Variants in MTX2 observed in about 807,000 individuals in gnomAD.
The protein encoded by MTX2 is metaxin-2.
In MTX2, 35 loss-of-function variants were observed where a neutral mutation model predicts 42.3. The observed-to-expected ratio is 0.83, with a 90% CI of 0.63 to 1.10. The LOEUF is 1.10. Among genes scored for constraint, MTX2 ranks in the 50% least tolerant of loss-of-function variants. The pLI, the probability that MTX2 is intolerant of heterozygous loss-of-function variation, is 0.00. For synonymous variants in MTX2, 119 were observed against 100.9 expected (o/e 1.18, Z -1.08); for missense variants, 307 against 304.1 (o/e 1.01, Z -0.07).
chr2:176,301,914 A>G lies in MTX2; in HGVS notation c.135+4019A>G, dbSNP rs1445566986. ...AATTCTTTTGAAAAAAGTGAAAGGA[A>G]TAGGAATGTAAGATGTCAAATACAG... On this transcript the variant is annotated intron_variant, in intron 3 of 9. Transcript: ENST00000249442. Among the ~76,000 whole-genome samples, 6 of 152,184 alleles carry G rather than the reference A, an allele frequency of 3.9e-5. 1 individual carries two copies. The highest frequency in any genetic ancestry group is 7.3e-5 in the Non-Finnish European group (5 of 68,028).
At chr2:176,291,806 G>A (rs1343426979) in intron 1 of MTX2, among the ~76,000 whole-genome samples, 1 of 152,092 alleles carries the variant, frequency 6.6e-6, no homozygotes, top group African/African-American at 2.4e-5. Context: ...AATACCATAG[G>A]AGGATAAAAT....
At chr2:176,309,154 G>A (rs1172973708) in intron 3 of MTX2, among the ~76,000 whole-genome samples, 3 of 152,162 alleles carry the variant, frequency 2.0e-5, no homozygotes, top group Admixed American at 1.3e-4. Flanking sequence ...TATTTACCCA[G>A]TAGTCATTCA....
chr2:176,287,624 T>C (rs1693237487), intron 1 of MTX2, among the ~76,000 whole-genome samples: 1 of 152,200 alleles, frequency 6.6e-6, no homozygotes. Context: ...AGTAGACTCT[T>C]ATGTCAGTCA....
chr2:176,322,739 A>G (rs891439349), intron 3 of MTX2, among the ~76,000 whole-genome samples: 3 of 151,966 alleles, frequency 2.0e-5, no homozygotes, highest in Middle Eastern at 3.2e-3. Context: ...TTTCTAAAGC[A>G]TGAGTTTTAA....
In MTX2 at chr2:176,329,001, CATT is replaced by C. The variant is rs1684789016; in HGVS notation, c.417+90_417+92del. The C allele has an allele frequency of 3.3e-6, 4 of 1,225,984 alleles. No homozygotes were observed. In the Admixed American group the frequency reaches 5.3e-5, roughly 16 times the overall value. The allele number at this position is 1,225,984 out of a possible 1,614,324, so 75.9% of individuals were successfully genotyped here. Reference sequence around the variant, plus strand: ...CGCAAGTCCCTGCTCATAAATGAAACATTGTGGTTTATACCATTAGTGATATAG... The same window carrying C: ...CGCAAGTCCCTGCTCATAAATGAAACGTGGTTTATACCATTAGTGATATAG... On this transcript the variant is annotated intron_variant, in intron 7 of 9. Coordinates refer to ENST00000249442, the MANE Select transcript of MTX2 (RefSeq NM_006554.5).
intron 1 of MTX2, among the ~76,000 whole-genome samples, chr2:176,294,724 AGGTT>A (rs948731336): frequency 8.5e-5 from 13 of 152,342 alleles, no homozygotes; most frequent in African/African-American, 2.4e-4. Context: ...GTGTATGTAA[AGGTT>A]GGTGCAAAAA....
chr2:176,331,929 A>T (rs1173140425), intron 9 of MTX2, among the ~76,000 whole-genome samples: 1 of 151,248 alleles, frequency 6.6e-6, no homozygotes, highest in African/African-American at 2.4e-5. Flanking sequence ...AATAGATCTA[A>T]CTTACTTTTC....
chr2:176,278,604 C>T (rs1693004725), intron 1 of MTX2, among the ~76,000 whole-genome samples: 1 of 152,122 alleles, frequency 6.6e-6, no homozygotes, highest in South Asian at 2.1e-4. Context: ...GAGTTATTAA[C>T]GTTAGCCCAA....
At chr2:176,337,463 TACTC>T (rs1463637825) in intron 9 of MTX2, 26 bp from the exon 10 acceptor site, 3 of 1,531,006 alleles carry the variant, frequency 2.0e-6, no homozygotes, top group Non-Finnish European at 1.8e-6. Flanking sequence ...AAATGCTACT[TACTC>T]ACATTACTCT....
At chr2:176,294,799 A>G (rs1683816680) in intron 1 of MTX2, among the ~76,000 whole-genome samples, 1 of 152,196 alleles carries the variant, frequency 6.6e-6, no homozygotes, top group Admixed American at 6.5e-5. Flanking sequence ...AGAAAACATC[A>G]GAATCACCAA....
intron 3 of MTX2, among the ~76,000 whole-genome samples, chr2:176,311,113 G>C (rs1250424460): frequency 1.3e-5 from 2 of 151,858 alleles, no homozygotes; most frequent in East Asian, 1.9e-4. Flanking sequence ...GATGTTGATG[G>C]TATTCCTTTC....
intron 1 of MTX2, among the ~76,000 whole-genome samples, chr2:176,284,216 A>C (rs546630970): frequency 5.3e-5 from 8 of 152,024 alleles, no homozygotes; most frequent in Admixed American, 4.6e-4. Context: ...AGTAGCTGGG[A>C]CTACAGGTGC....
At chr2:176,295,063 CTTCT>C (rs1683823818) in intron 1 of MTX2, among the ~76,000 whole-genome samples, 2 of 152,120 alleles carry the variant, frequency 1.3e-5, no homozygotes, top group Admixed American at 6.6e-5. Flanking sequence ...AATCAAATAT[CTTCT>C]TTCTTTCTAC....
intron 9 of MTX2, among the ~76,000 whole-genome samples, chr2:176,336,446 C>T (rs1376999172): frequency 6.6e-6 from 1 of 151,966 alleles, no homozygotes; most frequent in Non-Finnish European, 1.5e-5. Flanking sequence ...TTTTTTGGTC[C>T]TATCACCACA....
chr2:176,311,451 A>C (rs1684304189), intron 3 of MTX2, among the ~76,000 whole-genome samples: 1 of 152,158 alleles, frequency 6.6e-6, no homozygotes. Context: ...TCAGACAGGG[A>C]CATTGAAGTC....
intron 3 of MTX2, among the ~76,000 whole-genome samples, chr2:176,320,055 AACTAG>A (rs1312231981): frequency 1.3e-5 from 2 of 152,122 alleles, no homozygotes; most frequent in Non-Finnish European, 1.5e-5. Flanking sequence ...TTAATTGACT[AACTAG>A]AATTATGCTA....
rs759831241 is a variant in MTX2 at position 176,326,854 on chromosome 2, C to A, written c.238C>A (p.Gln80Lys). ...GKVPFIHVGN[Q>K]VVSELGPIVQ... ...AGTACCTTTTATTCATGTGGGAAAT[C>A]AAGTAGTATCAGAACTTGGTCCAAT... is the stretch of plus-strand genomic sequence containing the variant. Residue 80 changes from glutamine (Q) to lysine (K), a missense_variant, in exon 5 of 10, where the codon CAA becomes AAA. Physicochemically the swap from Gln to Lys is moderately conservative, Grantham distance 53. Transcript: ENST00000249442. 1.9e-6 allele frequency: 3 copies of A among 1,571,984 alleles called. No individual in the cohort carries two copies. Among genetic ancestry groups the A allele is most frequent in the South Asian group, 1.2e-5 (1 of 84,968 alleles).
chr2:176,307,542 A>G (rs1684183764), intron 3 of MTX2, among the ~76,000 whole-genome samples: 1 of 152,162 alleles, frequency 6.6e-6, no homozygotes, highest in Admixed American at 6.5e-5. Flanking sequence ...TGAGCATGGA[A>G]TGTTCTTCCA....
At chr2:176,315,828 T>A (rs1462873426) in intron 3 of MTX2, among the ~76,000 whole-genome samples, 1 of 152,166 alleles carries the variant, frequency 6.6e-6, no homozygotes, top group Non-Finnish European at 1.5e-5. Context: ...CCCTTAGATA[T>A]CTGCATGGCT....
Sources: gnomAD v4.1 joint callset for allele counts (sites outside exome capture counted in the v4.1 genomes callset) on GRCh38, gnomAD v4.1.1 for gene constraint, MANE v1.5 for transcripts, NCBI Gene and HGNC (gene_info 2026-07-23, HGNC 2026-07-21) for gene names.